Variants in MX1 observed in about 807,000 individuals in gnomAD.
MX1 encodes the protein interferon-induced GTP-binding protein Mx1.
In MX1, 66 loss-of-function variants were observed where a neutral mutation model predicts 66.4. The observed-to-expected ratio is 0.99, with a 90% CI of 0.82 to 1.22. The LOEUF is 1.22. Among genes scored for constraint, MX1 ranks in the 50% most tolerant of loss-of-function variants. MX1 has a pLI of 0.00. For missense variants in MX1, 787 were observed against 834.3 expected (o/e 0.94, Z 0.70); for synonymous variants, 311 against 318.1 (o/e 0.98, Z 0.24).
chr21:41,437,782 G>T (rs1349668017), intron 7 of MX1, among the ~76,000 whole-genome samples: 1 of 152,222 alleles, frequency 6.6e-6, no homozygotes, highest in African/African-American at 2.4e-5. Context: ...GGGGGTGAGG[G>T]AGCTCCTCCC....
intron 11 of MX1, 76 bp downstream of exon 11, chr21:41,443,942 A>G: frequency 5.4e-6 from 7 of 1,300,896 alleles, no homozygotes; most frequent in Non-Finnish European, 7.8e-6. Context: ...GGCTTCTTAA[A>G]CATCACTGTA....
At chr21:41,458,490 T>G (rs1417266284) in intron 16 of MX1, 38 bp from the exon 17 acceptor site, 2 of 1,611,068 alleles carry the variant, frequency 1.2e-6, no homozygotes, top group African/African-American at 2.7e-5. Flanking sequence ...CCTCACAGTG[T>G]CCCCTCCACC....
intron 16 of MX1, among the ~76,000 whole-genome samples, chr21:41,456,743 AGTT>A (rs1016003544): frequency 2.7e-5 from 4 of 145,702 alleles, no homozygotes; most frequent in African/African-American, 5.1e-5. Context: ...TCTGCACTAA[AGTT>A]GTTGGTTTTT....
intron 15 of MX1, among the ~76,000 whole-genome samples, chr21:41,451,678 A>AT (rs2090831233): frequency 1.4e-5 from 2 of 145,250 alleles, no homozygotes; most frequent in African/African-American, 5.2e-5. Context: ...TACTAAAAAT[A>AT]CAAAAAAGTA....
At chr21:41,447,314 A>G (rs1182268241) in intron 13 of MX1, among the ~76,000 whole-genome samples, 1 of 152,106 alleles carries the variant, frequency 6.6e-6, no homozygotes, top group Non-Finnish European at 1.5e-5. Flanking sequence ...CAATTTAATT[A>G]CCTCTTTGCC....
At chr21:41,425,534 G>GGGGATGCGATGGCCTGGCCT (rs547188459), upstream of MX1, among the ~76,000 whole-genome samples, 1 of 152,178 alleles carries the variant, frequency 6.6e-6, no homozygotes, top group Non-Finnish European at 1.5e-5. Flanking sequence ...GCAAGTCACA[G>GGGGATGCGATGGCCTGGCCT]GGGATGCGAT....
At chr21:41,454,566 G>A (rs59558672) in intron 16 of MX1, among the ~76,000 whole-genome samples, 30,148 of 152,086 alleles carry the variant, frequency 0.2, 3,509 homozygotes, top group East Asian at 0.42. Flanking sequence ...CCTTAGTGCA[G>A]CATTGGAATG....
rs531413580 is a variant in MX1, at chr21:41,430,618, T to C, written c.-22+10T>C. On this transcript the variant is annotated intron_variant, in intron 4 of 16. Transcript: ENST00000398598. ...GGAACGTATATTAGAGGTAAGTTGG[T>C]GCATGCTATTTTCTGTAACATTTAT... is the stretch of plus-strand genomic sequence containing the variant. 1.3e-5 allele frequency: 2 copies of C among 152,352 alleles called. No homozygotes were observed. The highest frequency in any genetic ancestry group is 4.8e-5 in the African/African-American group (2 of 41,572). 9.4% of individuals were successfully genotyped at this position (152,352 alleles called of 1,614,324 possible).
In MX1 at chr21:41,440,831, C is replaced by T. The variant is rs1224134074; in HGVS notation, c.592-56C>T. 9 of 1,604,532 alleles carry T rather than the reference C, an allele frequency of 5.6e-6. No individual in the cohort carries two copies. The Admixed American group carries it at 1.5e-4, about 27-fold the overall frequency. ...GCAAGTGCAAGGTCAGGACTTGTCT[C>T]ACCTCTCACTTGCCTTTGCCATACT... On this transcript the variant is annotated intron_variant, in intron 8 of 16. Transcript: ENST00000398598.
intron 13 of MX1, 118 bp downstream of exon 13, chr21:41,446,259 G>A: frequency 1.0e-6 from 1 of 993,802 alleles, no homozygotes; most frequent in South Asian, 1.6e-5. Context: ...TATTCTTAAG[G>A]AATCAGGAAA....
intron 14 of MX1, among the ~76,000 whole-genome samples, chr21:41,450,428 T>C (rs1355508068): frequency 6.6e-6 from 1 of 152,174 alleles, no homozygotes; most frequent in African/African-American, 2.4e-5. Flanking sequence ...CATGGATCCA[T>C]GAACTAAGGA....
chr21:41,431,487 T>C (rs1184720868), intron 4 of MX1, among the ~76,000 whole-genome samples: 1 of 151,858 alleles, frequency 6.6e-6, no homozygotes, highest in Non-Finnish European at 1.5e-5. Flanking sequence ...TTCTATTTTT[T>C]TTTTTTGAGA....
chr21:41,420,670 G>C (rs1251684394), exon 1 of MX1: 1 of 152,348 alleles, frequency 6.6e-6, no homozygotes, highest in African/African-American at 2.4e-5. Context: ...TGCAGGACCA[G>C]GGCCGGCCTT....
chr21:41,437,286 C>A, intron 7 of MX1, 134 bp downstream of exon 7: 1 of 901,064 alleles, frequency 1.1e-6, no homozygotes, highest in African/African-American at 1.7e-5. Flanking sequence ...GCCACGGTTC[C>A]TTCTACTTCT....
intron 6 of MX1, 47 bp downstream of exon 6, chr21:41,436,076 A>G: frequency 6.3e-7 from 1 of 1,593,900 alleles, no homozygotes; most frequent in Non-Finnish European, 8.6e-7. Context: ...GCCATAACAA[A>G]ATACCACAGA....
chr21:41,430,224 C>G (rs1475746455), intron 3 of MX1, among the ~76,000 whole-genome samples: 2 of 151,912 alleles, frequency 1.3e-5, no homozygotes, highest in African/African-American at 4.8e-5. Flanking sequence ...CCCTTCAACC[C>G]TCATGGTACT....
At chr21:41,446,180 G>A (rs765268157) in intron 13 of MX1, 39 bp downstream of exon 13, 33 of 1,530,898 alleles carry the variant, frequency 2.2e-5, no homozygotes, top group Admixed American at 7.0e-5. Context: ...TGCTACAACC[G>A]AATACCTGAG....
At chr21:41,446,863 C>T (rs7277299) in intron 13 of MX1, among the ~76,000 whole-genome samples, 4 of 152,066 alleles carry the variant, frequency 2.6e-5, no homozygotes, top group Non-Finnish European at 4.4e-5. Flanking sequence ...GAGTCAATAC[C>T]GTGGTAAACC....
chr21:41,432,094 C>G lies in MX1; in HGVS notation c.24C>G (p.Ile8Met), dbSNP rs182413451. ...AGATGGTTGTTTCCGAAGTGGACAT[C>G]GCAAAAGCTGATCCAGCTGCTGCAT... MVVSEVDIAKADPAAASH... is the reference protein window; with the variant it reads MVVSEVDMAKADPAAASH... Residue 8 changes from isoleucine to methionine, a missense_variant, in exon 5 of 17, where the codon ATC becomes ATG. Ile to Met is a conservative substitution (Grantham distance 10, BLOSUM62 1). Coordinates refer to ENST00000398598, the MANE Select transcript of MX1 (RefSeq NM_002462.5). 2.2e-5 allele frequency: 36 copies of G among 1,614,132 alleles called. 1 individual carries two copies. In the South Asian group the frequency reaches 3.8e-4, roughly 17 times the overall value.
Sources: allele counts gnomAD v4.1 joint callset (sites outside exome capture counted in the v4.1 genomes callset), GRCh38; gene constraint gnomAD v4.1.1; transcripts MANE v1.5; gene names NCBI Gene and HGNC (gene_info 2026-07-23, HGNC 2026-07-21).